The following GATAD1 variants were observed in gnomAD, a reference collection of about 807,000 sequenced individuals.
GATAD1 encodes the protein GATA zinc finger domain containing 1, also known as GATA zinc finger domain-containing protein 1.
GATAD1 carries 12 observed loss-of-function variants against 26.5 expected under a neutral mutation model. The ratio of observed to expected loss-of-function variants is 0.45; its 90% CI spans 0.29 to 0.73. The LOEUF is 0.73. Among genes scored for constraint, GATAD1 ranks in the 30% least tolerant of loss-of-function variants. The probability of loss-of-function intolerance (pLI) is 0.10; values close to 1 mark genes in which losing one functional copy is unlikely to be tolerated. For missense variants in GATAD1, 266 were observed against 342.1 expected, an observed-to-expected ratio of 0.78 and a Z score of 1.75; for synonymous variants, 129 against 133.1, an observed-to-expected ratio of 0.97 and a Z score of 0.21.
At position 92,449,189 on chromosome 7, in the gene GATAD1, A is replaced by C. The variant is rs1360254525; in HGVS notation, c.375+312A>C. Reference sequence around the variant, plus strand: ...GGTTCTCTATGGAAAGGAAGAGGAGAGATTATGGTTCTTGATATGGCCAGG... The same window carrying C: ...GGTTCTCTATGGAAAGGAAGAGGAGCGATTATGGTTCTTGATATGGCCAGG... On this transcript the variant is annotated intron_variant, in intron 2 of 4. Transcript: ENST00000287957. 8.7e-6 allele frequency: 9 copies of C among 1,032,442 alleles called. No individual in the cohort carries two copies. In the South Asian group the frequency reaches 3.1e-4, roughly 36 times the overall value. The allele number at this position is 1,032,442 out of a possible 1,614,324, so 64.0% of individuals were successfully genotyped here.
the GATAD1 span, among the ~76,000 whole-genome samples, chr7:92,495,156 A>G: frequency 6.6e-6 from 1 of 152,072 alleles, no homozygotes; most frequent in East Asian, 1.9e-4. Context: ...TATAAAATAT[A>G]TTTTATTTCT....
In GATAD1 at chr7:92,455,314, C is replaced by T. The variant is rs138000387; in HGVS notation, c.619+629C>T. 2.1e-3 allele frequency among the ~76,000 whole-genome samples: 315 copies of T among 152,214 alleles called. 1 individual carries two copies. Among genetic ancestry groups the T allele is most frequent in the African/African-American group, 7.3e-3 (304 of 41,518 alleles). On this transcript the variant is annotated intron_variant, in intron 4 of 4. Coordinates refer to ENST00000287957, the MANE Select transcript of GATAD1 (RefSeq NM_021167.5). ...TGGAGTGACCCAGGGTTAAACTGTA[C>T]TACAAGAATGTATTGCTCAGGAACT...
At position 92,454,366 on chromosome 7, in the gene GATAD1, T is replaced by C; in HGVS notation, c.436-136T>C. The C allele has an allele frequency of 1.7e-5, 12 of 686,468 alleles. No homozygotes were observed. The South Asian group carries it at 2.1e-4, about 12-fold the overall frequency. The allele number at this position is 686,468 out of a possible 1,614,324, so 42.5% of individuals were successfully genotyped here. On this transcript the variant is annotated intron_variant, in intron 3 of 4. Coordinates refer to ENST00000287957, the MANE Select transcript of GATAD1 (RefSeq NM_021167.5). ...AACTTTAGAATTGGCACCAAACATA[T>C]AAACACTGATACATTAGACTATCTC...
At chr7:92,450,573 A>G (rs1585166311) in intron 2 of GATAD1, 128 bp from the exon 3 acceptor site, 1 of 573,480 alleles carries the variant, frequency 1.7e-6, no homozygotes, top group East Asian at 3.0e-5. Context: ...TTATCTTTTT[A>G]TTGCAGTTCT....
the GATAD1 span, among the ~76,000 whole-genome samples, chr7:92,478,562 A>G: frequency 6.6e-6 from 1 of 152,212 alleles, no homozygotes; most frequent in African/African-American, 2.4e-5. Flanking sequence ...CAGTAAAGCC[A>G]GCATGTTAAT....
At chr7:92,493,630 C>T in the GATAD1 span, 1 of 153,836 alleles carries the variant, frequency 6.5e-6, no homozygotes, top group East Asian at 1.9e-4. Context: ...CAAAGTGAGA[C>T]CTTGTCTGAA....
At chr7:92,452,591 C>T (rs1206895464) in intron 3 of GATAD1, among the ~76,000 whole-genome samples, 2 of 152,206 alleles carry the variant, frequency 1.3e-5, no homozygotes, top group African/African-American at 4.8e-5. Flanking sequence ...TAGTGCTGTT[C>T]TCGTGTGGAC....
At chr7:92,450,588 A>G (rs1351032714) in intron 2 of GATAD1, 113 bp from the exon 3 acceptor site, 2 of 629,248 alleles carry the variant, frequency 3.2e-6, no homozygotes, top group Admixed American at 2.8e-5. Flanking sequence ...AGTTCTTGTC[A>G]CCAAACAATA....
the GATAD1 span, chr7:92,469,983 G>A: frequency 3.9e-6 from 3 of 777,158 alleles, no homozygotes; most frequent in Non-Finnish European, 4.8e-6. Flanking sequence ...TGAGTTGGGA[G>A]ATTACTTCTT....
chr7:92,447,853 G>A lies in GATAD1; in HGVS notation c.124G>A (p.Gly42Arg), dbSNP rs1423757060. 1.4e-5 allele frequency: 19 copies of A among 1,381,752 alleles called. No homozygotes were observed. Among genetic ancestry groups the A allele is most frequent in the African/African-American group, 3.0e-5 (2 of 66,176 alleles). 85.6% of individuals were successfully genotyped at this position (1,381,752 alleles called of 1,614,324 possible). A position where few individuals can be genotyped will look rare whatever the true frequency, so the allele number is the denominator to read the frequency against. Residue 42 changes from glycine (G) to arginine (R), a missense_variant, in exon 1 of 5, where the codon GGG becomes AGG. Gly to Arg is a moderately radical substitution (Grantham distance 125, BLOSUM62 -2). Coordinates refer to ENST00000287957, the MANE Select transcript of GATAD1 (RefSeq NM_021167.5). ...HCTGRGGAGS[G>R]GAGSGAAGGT... ...CACTGGCCGGGGCGGCGCGGGCAGC[G>A]GGGGCGCAGGCTCGGGGGCGGCTGG...
chr7:92,480,674 G>T, the GATAD1 span, among the ~76,000 whole-genome samples: 1 of 152,210 alleles, frequency 6.6e-6, no homozygotes, highest in Non-Finnish European at 1.5e-5. Context: ...TTCAATGGGG[G>T]AGTAGGTGGG....
At chr7:92,465,785 G>A in the GATAD1 span, among the ~76,000 whole-genome samples, 25 of 152,256 alleles carry the variant, frequency 1.6e-4, no homozygotes, top group Admixed American at 7.2e-4. Flanking sequence ...GGGATCACCT[G>A]AGGCCTGGAG....
At chr7:92,482,774 G>A in the GATAD1 span, among the ~76,000 whole-genome samples, 3 of 152,118 alleles carry the variant, frequency 2.0e-5, no homozygotes, top group Non-Finnish European at 4.4e-5. Context: ...AAGGGAACTG[G>A]GCAGGTGAGG....
At chr7:92,460,900 A>G (rs919835250), downstream of GATAD1, among the ~76,000 whole-genome samples, 1 of 152,074 alleles carries the variant, frequency 6.6e-6, no homozygotes, top group African/African-American at 2.4e-5. Flanking sequence ...TTCTCTAACA[A>G]GCAGTATTTT....
At chr7:92,463,620 G>A (rs547340078), downstream of GATAD1, among the ~76,000 whole-genome samples, 17 of 148,412 alleles carry the variant, frequency 1.1e-4, no homozygotes, top group African/African-American at 3.7e-4. Context: ...CTGAGATCGC[G>A]CCACTGCACT....
the GATAD1 span, among the ~76,000 whole-genome samples, chr7:92,466,831 A>G: frequency 6.6e-6 from 1 of 151,938 alleles, no homozygotes; most frequent in South Asian, 2.1e-4. Flanking sequence ...GGGGTGGGGG[A>G]GTGTGGAAAC....
chr7:92,454,491 G>C lies in GATAD1; in HGVS notation c.436-11G>C, dbSNP rs758063690. The stretch of plus-strand genomic sequence containing the variant: ...TATTTTCAATGTGGGATTATCTTCT[G>C]TTTCCCCCAGGGAGTATATTACCAA... On this transcript the variant is annotated splice_polypyrimidine_tract_variant and intron_variant, in intron 3 of 4. Coordinates refer to ENST00000287957, the MANE Select transcript of GATAD1 (RefSeq NM_021167.5). 2 of 1,590,120 alleles carry C rather than the reference G, an allele frequency of 1.3e-6. No homozygotes were observed. Among genetic ancestry groups the C allele is most frequent in the Non-Finnish European group, 1.7e-6 (2 of 1,158,746 alleles).
intron 4 of GATAD1, 83 bp downstream of exon 4, chr7:92,454,768 G>T: frequency 1.1e-6 from 1 of 950,680 alleles, no homozygotes; most frequent in Non-Finnish European, 1.5e-6. Flanking sequence ...AGTCAGCTTG[G>T]GCTGTCAGGA....
At chr7:92,476,861 A>G in the GATAD1 span, among the ~76,000 whole-genome samples, 32 of 152,316 alleles carry the variant, frequency 2.1e-4, no homozygotes, top group Non-Finnish European at 2.9e-4. Flanking sequence ...CTAAGGACGC[A>G]GCGCAGAGCT....
Sources: gnomAD v4.1 joint callset for allele counts (sites outside exome capture counted in the v4.1 genomes callset) on GRCh38, gnomAD v4.1.1 for gene constraint, MANE v1.5 for transcripts, NCBI Gene and HGNC (gene_info 2026-07-23, HGNC 2026-07-21) for gene names.